SLC18A1: variants seen among roughly 807,000 people sequenced by gnomAD.
The protein encoded by SLC18A1 is chromaffin granule amine transporter.
A neutral mutation model predicts 53.7 loss-of-function variants in SLC18A1; 69 were observed. The ratio of observed to expected loss-of-function variants is 1.28; its 90% CI spans 1.06 to 1.57. The LOEUF (loss-of-function observed/expected upper bound fraction) is 1.57, where lower values mean the gene tolerates loss of function less well. SLC18A1 is among the 40% of genes most tolerant of loss of function. The pLI is 0.00. For missense variants in SLC18A1, 932 were observed against 668.1 expected, an observed-to-expected ratio of 1.40 and a Z score of -4.35; for synonymous variants, 320 against 248.1, an observed-to-expected ratio of 1.29 and a Z score of -2.72.
In SLC18A1 at chr8:20,173,124, A is replaced by C. The variant is rs1271458476; in HGVS notation, c.636T>G (p.Leu212=). Residue 212 remains leucine, a synonymous_variant, in exon 6 of 16, where the codon CTT becomes CTG. Coordinates refer to ENST00000276373, the MANE Select transcript of SLC18A1 (RefSeq NM_003053.4). The part of the protein sequence containing the change: ...IGSSFSSVAG[L]GMLASVYTDD... ...CAGTGTAGACACTGGCCAGCATTCC[A>C]AGACCTGCGCAGAGAGTTACAGATG... 6.4e-7 allele frequency: 1 copy of C among 1,569,010 alleles called. No homozygotes were observed. The highest frequency in any genetic ancestry group is 8.6e-7 in the Non-Finnish European group (1 of 1,157,462).
chr8:20,166,289 C>CTATATATA (rs1181101416), intron 8 of SLC18A1, among the ~76,000 whole-genome samples: 102 of 107,236 alleles, frequency 9.5e-4, no homozygotes, highest in East Asian at 1.5e-3. Context: ...GTGTGTGTGT[C>CTATATATA]TATATATATA....
chr8:20,162,173 A>G (rs1172043202), intron 10 of SLC18A1, among the ~76,000 whole-genome samples: 2 of 152,184 alleles, frequency 1.3e-5, no homozygotes, highest in Admixed American at 1.3e-4. Context: ...GGTCCTGGGC[A>G]GTGAGCCCAT....
intron 10 of SLC18A1, among the ~76,000 whole-genome samples, chr8:20,151,575 A>T (rs1200940367): frequency 6.6e-6 from 1 of 152,198 alleles, no homozygotes; most frequent in African/African-American, 2.4e-5. Flanking sequence ...TGATTATATC[A>T]TACCGGGTTA....
chr8:20,180,844 C>G lies in SLC18A1; in HGVS notation c.121G>C (p.Val41Leu). The G allele has an allele frequency of 6.2e-7, 1 of 1,613,994 alleles. No individual in the cohort carries two copies. The change falls in exon 2 of 16, where the codon GTG becomes CTG. Residue 41 changes from valine to leucine, a missense_variant. By Grantham distance (32) the Val-to-Leu change is conservative. Coordinates refer to ENST00000276373, the MANE Select transcript of SLC18A1 (RefSeq NM_003053.4). ...GCACAAAGACCCACAAACGTACCCA[C>G]CACAGTAAACAGCATGTTGTCCAGG... ...LLLDNMLFTV[V>L]VPIVPTFLYD...
chr8:20,148,207 C>T, intron 12 of SLC18A1, 137 bp from the exon 13 acceptor site: 1 of 742,212 alleles, frequency 1.3e-6, no homozygotes, highest in Non-Finnish European at 2.3e-6. Flanking sequence ...CACTCTCAGA[C>T]TTTCTCATGG....
intron 10 of SLC18A1, among the ~76,000 whole-genome samples, chr8:20,151,153 TTTTTGTTTG>T (rs1237820926): frequency 2.3e-4 from 29 of 126,634 alleles, no homozygotes; most frequent in African/African-American, 7.3e-4. Flanking sequence ...TTTTGTTTTT[TTTTTGTTTG>T]TTTGTTTGTT....
intron 10 of SLC18A1, among the ~76,000 whole-genome samples, chr8:20,163,384 G>C (rs553820140): frequency 6.6e-6 from 1 of 152,094 alleles, no homozygotes; most frequent in African/African-American, 2.4e-5. Context: ...CATATCAGAG[G>C]TCAAAGAGGT....
chr8:20,179,030 T>C (rs2072334905), intron 3 of SLC18A1, 91 bp downstream of exon 3: 2 of 1,455,142 alleles, frequency 1.4e-6, no homozygotes, highest in East Asian at 2.3e-5. Flanking sequence ...CAAGTGAGTA[T>C]TTCTTCTTTT....
chr8:20,154,899 C>T (rs1030067101), intron 10 of SLC18A1, among the ~76,000 whole-genome samples: 7 of 152,160 alleles, frequency 4.6e-5, no homozygotes, highest in African/African-American at 1.7e-4. Flanking sequence ...CCAGATCTGG[C>T]AGGGTGTCCA....
In SLC18A1 at chr8:20,171,435, T is replaced by G. The variant is rs1240215181; in HGVS notation, c.784A>C (p.Ile262Leu). The change falls in exon 7 of 16, where the codon ATC becomes CTC. Residue 262 changes from isoleucine to leucine, a missense_variant. Coordinates refer to ENST00000276373, the MANE Select transcript of SLC18A1 (RefSeq NM_003053.4). ...EFVGKSAPFLILAFLALLDGA... is the reference protein window; with the variant it reads ...EFVGKSAPFLLLAFLALLDGA... ...TCCAGTAGTGCCAGGAAGGCCAGGATGAGGAAGGGTGCAGACTTCCCAACA... is the reference window on the plus strand; with the variant it reads ...TCCAGTAGTGCCAGGAAGGCCAGGAGGAGGAAGGGTGCAGACTTCCCAACA... 1 of 1,614,082 alleles carries G rather than the reference T, an allele frequency of 6.2e-7. No homozygotes were observed. Among genetic ancestry groups the G allele is most frequent in the South Asian group, 1.1e-5 (1 of 91,082 alleles).
intron 10 of SLC18A1, among the ~76,000 whole-genome samples, chr8:20,157,754 A>G (rs1318349819): frequency 6.6e-6 from 1 of 152,198 alleles, no homozygotes; most frequent in Non-Finnish European, 1.5e-5. Context: ...TGAACTTGGC[A>G]ACCTCAGTTT....
chr8:20,163,556 C>T (rs1203536553), intron 10 of SLC18A1, among the ~76,000 whole-genome samples: 1 of 152,110 alleles, frequency 6.6e-6, no homozygotes, highest in East Asian at 1.9e-4. Context: ...AAAGCATGGA[C>T]TCCTTTGGCT....
Position 20,165,047 on chromosome 8 carries a change from C to G in SLC18A1, c.919G>C (p.Gly307Arg). ...LKDPYILVAAGSICFANMGVA... is the reference protein window; with the variant it reads ...LKDPYILVAARSICFANMGVA... ...CAATGGGAGGTCATCGCCAGCTTAC[C>G]TGCAGCCACCAGGATGTAAGGGTCT... Residue 307 changes from glycine to arginine, a missense_variant and splice_region_variant, in exon 9 of 16, where the codon GGG (glycine) becomes CGG (arginine). Coordinates refer to ENST00000276373, the MANE Select transcript of SLC18A1 (RefSeq NM_003053.4). 6.2e-7 allele frequency: 1 copy of G among 1,614,164 alleles called. No homozygotes were observed. Among genetic ancestry groups the G allele is most frequent in the Non-Finnish European group, 8.5e-7 (1 of 1,180,002 alleles).
Position 20,164,849 on chromosome 8 carries a change from G to A in SLC18A1, c.1015+20C>T, listed in dbSNP as rs960328633. 1 of 1,583,638 alleles carries A rather than the reference G, an allele frequency of 6.3e-7. No homozygotes were observed. The highest frequency in any genetic ancestry group is 2.3e-5 in the East Asian group (1 of 44,424). ...ACCTCCTCCTGCCAGGCCCTGAGCG[G>A]GGGTGCTGAGGTCACTTACCCAGCT... On this transcript the variant is annotated intron_variant, in intron 10 of 15. Coordinates refer to ENST00000276373, the MANE Select transcript of SLC18A1 (RefSeq NM_003053.4).
rs929003086 is a variant in SLC18A1, at chr8:20,149,471, C to A, written c.1146+205G>T. On this transcript the variant is annotated intron_variant, in intron 12 of 15. Transcript: ENST00000276373. ...CACTGCAGCTGGTGGCCTCTTCCCCCGTGCTAAATTCCTGCCTATTCAGAA... is the reference window on the plus strand; with the variant it reads ...CACTGCAGCTGGTGGCCTCTTCCCCAGTGCTAAATTCCTGCCTATTCAGAA... Among the ~76,000 whole-genome samples, 3 of 152,068 alleles carry A rather than the reference C, an allele frequency of 2.0e-5. No individual in the cohort carries two copies. In the East Asian group the frequency reaches 5.8e-4, roughly 29 times the overall value.
At chr8:20,150,766 T>C in intron 10 of SLC18A1, 22 bp from the exon 11 acceptor site, 1 of 1,605,804 alleles carries the variant, frequency 6.2e-7, no homozygotes, top group Non-Finnish European at 8.5e-7. Flanking sequence ...CACAGATCCT[T>C]ACCTTAGGAC....
At chr8:20,161,920 T>C (rs2071839963) in intron 10 of SLC18A1, among the ~76,000 whole-genome samples, 1 of 152,182 alleles carries the variant, frequency 6.6e-6, no homozygotes, top group Non-Finnish European at 1.5e-5. Context: ...CTGGTGCCCC[T>C]ACAGTTCCGT....
In SLC18A1 at chr8:20,174,416, T is replaced by A. The variant is rs779767479; in HGVS notation, c.576A>T (p.Leu192=). The A allele has an allele frequency of 6.2e-7, 1 of 1,613,302 alleles. No homozygotes were observed. The highest frequency in any genetic ancestry group is 8.5e-7 in the Non-Finnish European group (1 of 1,179,752). ...VMFAFSGTYT[L]LFVARTLQGI... ...CTTGAAGGGTTCGGGCCACAAAGAGTAGAGTATAGGTCCCAGAAAAAGCAA... is the reference window on the plus strand; with the variant it reads ...CTTGAAGGGTTCGGGCCACAAAGAGAAGAGTATAGGTCCCAGAAAAAGCAA... Residue 192 remains leucine, a synonymous_variant, in exon 5 of 16, where the codon CTA becomes CTT. Transcript: ENST00000276373.
intron 2 of SLC18A1, 39 bp from the exon 3 acceptor site, chr8:20,179,523 C>A (rs369916314): frequency 3.8e-6 from 6 of 1,569,240 alleles, no homozygotes; most frequent in East Asian, 2.2e-5. Context: ...GGCTAAGGAC[C>A]GATGTCATCT....
Sources: allele counts gnomAD v4.1 joint callset (sites outside exome capture counted in the v4.1 genomes callset), GRCh38; gene constraint gnomAD v4.1.1; transcripts MANE v1.5; gene names NCBI Gene and HGNC (gene_info 2026-07-23, HGNC 2026-07-21).